TARS3: variants seen among roughly 807,000 people sequenced by gnomAD.
TARS3 encodes the protein threonyl-tRNA synthetase 3, also known as threonine--tRNA ligase 2, cytoplasmic.
A neutral mutation model predicts 103.5 loss-of-function variants in TARS3; 94 were observed. That is an observed-to-expected ratio of 0.91 (90% CI 0.77 to 1.08). The LOEUF (loss-of-function observed/expected upper bound fraction) is 1.08. Ranked by LOEUF, TARS3 falls within the 50% of genes least tolerant of loss-of-function variation. The pLI, the probability that TARS3 is intolerant of heterozygous loss-of-function variation, is 0.00. For synonymous variants in TARS3, 416 were observed against 355.4 expected (o/e 1.17, Z -1.92); for missense variants, 952 against 995.2 (o/e 0.96, Z 0.58).
chr15:101,684,337 A>T, intron 11 of TARS3, 100 bp from the exon 12 acceptor site: 2 of 1,190,694 alleles, frequency 1.7e-6, no homozygotes, highest in South Asian at 2.2e-5. Flanking sequence ...AGATTCATAA[A>T]CTCCTTATTC....
chr15:101,705,223 T>G (rs1273596455), intron 7 of TARS3, among the ~76,000 whole-genome samples: 10 of 152,252 alleles, frequency 6.6e-5, no homozygotes, highest in Non-Finnish European at 1.3e-4. Context: ...CAGTATTTTC[T>G]TTTGGTCTCA....
intron 10 of TARS3, among the ~76,000 whole-genome samples, chr15:101,691,621 A>G (rs1898728368): frequency 6.6e-6 from 1 of 152,162 alleles, no homozygotes; most frequent in South Asian, 2.1e-4. Context: ...CATATTTGAG[A>G]TTCACAACAT....
At chr15:101,657,134 G>C in intron 17 of TARS3, 98 bp from the exon 18 acceptor site, 1 of 750,708 alleles carries the variant, frequency 1.3e-6, no homozygotes. Flanking sequence ...CCTTTGTATA[G>C]TTCCCTGCTC....
At chr15:101,690,097 G>A (rs1254377905) in intron 10 of TARS3, among the ~76,000 whole-genome samples, 5 of 152,184 alleles carry the variant, frequency 3.3e-5, no homozygotes, top group Admixed American at 6.5e-5. Flanking sequence ...TTTGTGGGAG[G>A]AAACCAATGT....
chr15:101,721,996 T>C (rs1320381768), intron 2 of TARS3, among the ~76,000 whole-genome samples: 2 of 152,246 alleles, frequency 1.3e-5, no homozygotes, highest in African/African-American at 4.8e-5. Flanking sequence ...TGAGCACTTT[T>C]AATGTAGGCT....
intron 18 of TARS3, among the ~76,000 whole-genome samples, chr15:101,654,981 TACAG>T (rs1218372221): frequency 6.6e-6 from 1 of 152,198 alleles, no homozygotes; most frequent in Admixed American, 6.5e-5. Context: ...GGGGAGCTCT[TACAG>T]ACTCACACTG....
chr15:101,675,883 T>C lies in TARS3; in HGVS notation c.1651-146A>G, dbSNP rs189310876. The C allele has an allele frequency of 3.3e-3, 2,908 of 878,410 alleles. 6 individuals carry two copies. Among genetic ancestry groups the C allele is most frequent in the Admixed American group, 7.6e-3 (279 of 36,504 alleles). The allele number at this position is 878,410 out of a possible 1,614,324, so 54.4% of individuals were successfully genotyped here. A position where few individuals can be genotyped will look rare whatever the true frequency, so the allele number is the denominator to read the frequency against. On this transcript the variant is annotated intron_variant, in intron 12 of 18. Transcript: ENST00000335968. ...CCTGTTTTGGTTGCTTATCCAATCC[T>C]GAGCTGAACCTTCGTTTGAGTGCTA...
intron 3 of TARS3, among the ~76,000 whole-genome samples, chr15:101,716,026 C>CT (rs11464619): frequency 0.14 from 20,670 of 147,782 alleles, 1,655 homozygotes; most frequent in Admixed American, 0.19. Flanking sequence ...TGCCTATTTT[C>CT]TTTTTTTTTT....
chr15:101,660,518 A>C (rs533755), intron 16 of TARS3, among the ~76,000 whole-genome samples: 55,526 of 152,124 alleles, frequency 0.37, 11,033 homozygotes, highest in Non-Finnish European at 0.46. Context: ...ATTTGGTGCC[A>C]CTGGCAGAAG....
intron 6 of TARS3, 80 bp from the exon 7 acceptor site, chr15:101,705,827 A>G (rs977406318): frequency 8.4e-7 from 1 of 1,192,842 alleles, no homozygotes; most frequent in Non-Finnish European, 1.2e-6. Flanking sequence ...TTCAAGAAAC[A>G]TTGAAAGGTC....
intron 15 of TARS3, among the ~76,000 whole-genome samples, chr15:101,669,967 A>G (rs1897733312): frequency 6.6e-6 from 1 of 152,268 alleles, no homozygotes; most frequent in East Asian, 1.9e-4. Flanking sequence ...ATGTGTGAAT[A>G]ATGAGACACT....
chr15:101,708,098 T>A (rs1306674304), intron 6 of TARS3, among the ~76,000 whole-genome samples: 4 of 151,486 alleles, frequency 2.6e-5, no homozygotes, highest in Admixed American at 2.6e-4. Flanking sequence ...ATAGAAAAAT[T>A]AGTCAGGCAC....
intron 10 of TARS3, among the ~76,000 whole-genome samples, chr15:101,697,332 C>T (rs531152635): frequency 2.0e-5 from 3 of 152,200 alleles, no homozygotes; most frequent in South Asian, 4.2e-4. Flanking sequence ...ATTCTTATTA[C>T]GAGGTGCCAG....
rs1401567880 is a variant in TARS3, at chr15:101,721,277, C to A, written c.415G>T (p.Glu139Ter). The A allele has an allele frequency of 1.2e-6, 2 of 1,613,264 alleles. No homozygotes were observed. Among genetic ancestry groups the A allele is most frequent in the Non-Finnish European group, 8.5e-7 (1 of 1,179,452 alleles). Residue 139 changes from glutamate to a stop codon, truncating the protein, a stop_gained, in exon 3 of 19, where the codon GAA (glutamate) becomes TAA (stop). Transcript: ENST00000335968. LOFTEE classifies it high-confidence loss of function. The stretch of plus-strand genomic sequence containing the variant: ...AGCTGATGGTCTTTCTTCAGTATTT[C>A]AAAAAGCTTCAATCTTTCTTTTATG... ...IFIKERLKLF[E>*]ILKKDHQLLL...
At chr15:101,714,734 A>G (rs1365027552) in intron 4 of TARS3, 106 bp downstream of exon 4, 1 of 1,022,424 alleles carries the variant, frequency 9.8e-7, no homozygotes, top group African/African-American at 1.6e-5. Flanking sequence ...AATCTTAGAA[A>G]CCCCCAAAAA....
At chr15:101,693,407 A>C (rs1199939821) in intron 10 of TARS3, among the ~76,000 whole-genome samples, 3 of 152,142 alleles carry the variant, frequency 2.0e-5, no homozygotes, top group Non-Finnish European at 4.4e-5. Flanking sequence ...CCACAAGAAC[A>C]GTATGGGGGA....
At chr15:101,723,245 T>C (rs1900581656) in intron 1 of TARS3, 81 bp from the exon 2 acceptor site, 4 of 1,306,256 alleles carry the variant, frequency 3.1e-6, no homozygotes, top group Non-Finnish European at 4.4e-6. Flanking sequence ...GCCAGCAGGC[T>C]GCAAGTGCCC....
intron 10 of TARS3, among the ~76,000 whole-genome samples, chr15:101,694,581 G>C (rs1247486953): frequency 6.6e-6 from 1 of 152,184 alleles, no homozygotes. Context: ...GAGGCACATG[G>C]AAGAGGGCAG....
intron 4 of TARS3, among the ~76,000 whole-genome samples, chr15:101,713,622 T>C (rs1899978612): frequency 6.6e-6 from 1 of 152,120 alleles, no homozygotes; most frequent in South Asian, 2.1e-4. Flanking sequence ...CGGGGAGGAA[T>C]CACACAAAAC....
Sources: allele counts gnomAD v4.1 joint callset (sites outside exome capture counted in the v4.1 genomes callset), GRCh38; gene constraint gnomAD v4.1.1; transcripts MANE v1.5; gene names NCBI Gene and HGNC (gene_info 2026-07-23, HGNC 2026-07-21).